The following ARMC2 variants were observed in gnomAD, a reference collection of about 807,000 sequenced individuals.
ARMC2 encodes armadillo repeat-containing protein 2.
A neutral mutation model predicts 90.3 loss-of-function variants in ARMC2; 67 were observed. That is an observed-to-expected ratio of 0.74 (90% CI 0.61 to 0.91). ARMC2 has a LOEUF of 0.91. ARMC2 is among the 40% of genes least tolerant of loss of function. ARMC2 has a pLI of 0.00. For missense variants in ARMC2, 920 were observed against 1,030.9 expected, an observed-to-expected ratio of 0.89 and a Z score of 1.47; for synonymous variants, 393 against 393.0, an observed-to-expected ratio of 1.00 and a Z score of 0.00.
chr6:109,039,112 A>AAGGAAGGAGGAGAAGG, the ARMC2 span, among the ~76,000 whole-genome samples: 1 of 149,964 alleles, frequency 6.7e-6, no homozygotes, highest in Non-Finnish European at 1.5e-5. Flanking sequence ...GGAGAAGGAG[A>AAGGAAGGAGGAGAAGG]AGGAAGGAGG....
At chr6:108,909,022 A>G (rs899437101) in intron 8 of ARMC2, among the ~76,000 whole-genome samples, 1 of 152,230 alleles carries the variant, frequency 6.6e-6, no homozygotes, top group South Asian at 2.1e-4. Context: ...ATGAGCCTAG[A>G]TCATGCCCTT....
chr6:108,994,451 G>A, the ARMC2 span: 2 of 1,603,954 alleles, frequency 1.2e-6, no homozygotes, highest in Non-Finnish European at 8.5e-7. Context: ...CTATATAATG[G>A]TTGTTCTTAC....
At chr6:108,854,969 A>G (rs1023720945) in intron 2 of ARMC2, among the ~76,000 whole-genome samples, 7 of 152,190 alleles carry the variant, frequency 4.6e-5, no homozygotes, top group Non-Finnish European at 7.3e-5. Context: ...CCAGAATGTC[A>G]TATAGTTGGA....
chr6:108,904,500 C>A, intron 8 of ARMC2, 95 bp downstream of exon 8: 2 of 1,197,072 alleles, frequency 1.7e-6, no homozygotes, highest in East Asian at 5.5e-5. Context: ...ATTAGAAATG[C>A]AGTGTATTTG....
intron 5 of ARMC2, among the ~76,000 whole-genome samples, chr6:108,878,956 CCCATTCATCCACCCATCCAACTGT>C (rs1274601010): frequency 2.0e-5 from 3 of 151,424 alleles, no homozygotes; most frequent in Non-Finnish European, 4.4e-5. Flanking sequence ...CACCCAGACA[CCCATTCATCCACCCATCCAACTGT>C]CCATTCATCC....
Position 108,880,254 on chromosome 6 carries a change from G to A in ARMC2, c.671+3904G>A, listed in dbSNP as rs376874087. On this transcript the variant is annotated intron_variant, in intron 5 of 17. Coordinates refer to ENST00000392644, the MANE Select transcript of ARMC2 (RefSeq NM_032131.6). ...TTGTGTAATAAATGCTGCTCAGTCC[G>A]TATTTGGAGAAGGGTTAGCCCTGTC... The A allele has an allele frequency of 6.4e-4, 173 of 272,260 alleles. 3 individuals carry two copies. Among genetic ancestry groups the A allele is most frequent in the South Asian group, 5.4e-3 (154 of 28,306 alleles). The allele number at this position is 272,260 out of a possible 1,614,324, so 16.9% of individuals were successfully genotyped here. A position where few individuals can be genotyped will look rare whatever the true frequency, so the allele number is the denominator to read the frequency against.
chr6:108,987,257 A>G, the ARMC2 span: 1 of 291,294 alleles, frequency 3.4e-6, no homozygotes, highest in Non-Finnish European at 6.3e-6. Flanking sequence ...GGATTTGGAG[A>G]GTTACTATTT....
At chr6:108,929,752 C>T (rs1363658572) in intron 11 of ARMC2, among the ~76,000 whole-genome samples, 3 of 152,092 alleles carry the variant, frequency 2.0e-5, no homozygotes, top group African/African-American at 4.8e-5. Context: ...CAAAGTGCTG[C>T]GATTAGAGGT....
At chr6:108,925,703 A>G (rs1775043572) in intron 10 of ARMC2, among the ~76,000 whole-genome samples, 1 of 152,162 alleles carries the variant, frequency 6.6e-6, no homozygotes, top group Non-Finnish European at 1.5e-5. Context: ...TGCTTGAGCA[A>G]CTAGGTTGAT....
the ARMC2 span, among the ~76,000 whole-genome samples, chr6:108,982,597 A>G: frequency 2.0e-5 from 3 of 152,282 alleles, no homozygotes; most frequent in South Asian, 4.1e-4. Flanking sequence ...AATGCCACAT[A>G]AGTGTTCCAA....
At chr6:108,994,649 T>C in the ARMC2 span, 8 of 1,468,364 alleles carry the variant, frequency 5.4e-6, no homozygotes, top group East Asian at 9.8e-5. Flanking sequence ...GTGGCAGACA[T>C]AGAATATATA....
chr6:108,954,231 G>T (rs1777401065), intron 13 of ARMC2, among the ~76,000 whole-genome samples: 1 of 152,170 alleles, frequency 6.6e-6, no homozygotes, highest in African/African-American at 2.4e-5. Flanking sequence ...ACACAATTCA[G>T]TCCATGGCAA....
At chr6:109,024,327 G>C in the ARMC2 span, among the ~76,000 whole-genome samples, 1 of 151,978 alleles carries the variant, frequency 6.6e-6, no homozygotes, top group Non-Finnish European at 1.5e-5. Flanking sequence ...AGAGAAAAAA[G>C]GAATAGTGAA....
At chr6:108,919,343 T>C (rs537088700) in intron 10 of ARMC2, among the ~76,000 whole-genome samples, 13 of 152,330 alleles carry the variant, frequency 8.5e-5, no homozygotes, top group Non-Finnish European at 1.8e-4. Context: ...GTTAATTCTT[T>C]ATCTTGCGCG....
chr6:108,869,233 C>T (rs563146083), intron 4 of ARMC2, among the ~76,000 whole-genome samples: 4 of 152,284 alleles, frequency 2.6e-5, no homozygotes, highest in East Asian at 3.9e-4. Context: ...AGTGACTGGG[C>T]GCGGTGGCTC....
intron 3 of ARMC2, among the ~76,000 whole-genome samples, chr6:108,862,294 A>G (rs887146099): frequency 2.1e-4 from 32 of 149,786 alleles, no homozygotes; most frequent in African/African-American, 7.6e-4. Flanking sequence ...CAGTGAGCCA[A>G]GATTGTGCCA....
At chr6:109,052,941 T>G in the ARMC2 span, among the ~76,000 whole-genome samples, 1 of 152,130 alleles carries the variant, frequency 6.6e-6, no homozygotes, top group Non-Finnish European at 1.5e-5. Flanking sequence ...GAGACAGACA[T>G]TAATCAAACA....
rs775686997 is a variant in ARMC2 at position 108,854,325 on chromosome 6, G to A, written c.58G>A (p.Val20Met). ...ACTGGATCCATTTTATCAACCTTCA[G>A]TGTCCAAGCAGAAGACCAGTGCAGA... Reference protein sequence around the residue: ...GKLDPFYQPSVSKQKTSAEII... With the variant: ...GKLDPFYQPSMSKQKTSAEII... The change falls in exon 2 of 18, where the codon GTG (valine) becomes ATG (methionine). Residue 20 changes from valine to methionine, a missense_variant. By Grantham distance (21) the Val-to-Met change is conservative (BLOSUM62 1). Transcript: ENST00000392644. The A allele has an allele frequency of 2.7e-5, 43 of 1,612,568 alleles. No individual in the cohort carries two copies. The highest frequency in any genetic ancestry group is 4.5e-5 in the East Asian group (2 of 44,776).
At chr6:108,992,571 T>C in the ARMC2 span, among the ~76,000 whole-genome samples, 1 of 152,202 alleles carries the variant, frequency 6.6e-6, no homozygotes, top group Non-Finnish European at 1.5e-5. Flanking sequence ...TATTTAAATA[T>C]TTACACAATA....
Sources: allele counts gnomAD v4.1 joint callset (sites outside exome capture counted in the v4.1 genomes callset), GRCh38; gene constraint gnomAD v4.1.1; transcripts MANE v1.5; gene names NCBI Gene and HGNC (gene_info 2026-07-23, HGNC 2026-07-21).